PRDM16: variants seen among roughly 807,000 people sequenced by gnomAD.
The protein encoded by PRDM16 is histone-lysine N-methyltransferase PRDM16.
A neutral mutation model predicts 110.6 loss-of-function variants in PRDM16; 23 were observed. That is an observed-to-expected ratio of 0.21 (90% CI 0.15 to 0.29). The LOEUF (loss-of-function observed/expected upper bound fraction) is 0.29. PRDM16 is among the 10% of genes least tolerant of loss of function. The pLI, the probability that PRDM16 is intolerant of heterozygous loss-of-function variation, is 1.00. For missense variants in PRDM16, 1,615 were observed against 1,794.3 expected, an observed-to-expected ratio of 0.90 and a Z score of 1.81; for synonymous variants, 799 against 781.8, an observed-to-expected ratio of 1.02 and a Z score of -0.37.
chr1:3,237,682 G>A (rs1315145962), intron 2 of PRDM16, among the ~76,000 whole-genome samples: 3 of 152,348 alleles, frequency 2.0e-5, no homozygotes, highest in Non-Finnish European at 2.9e-5. Flanking sequence ...AGGGAGATGC[G>A]CGCGGGGCCA....
chr1:3,277,390 G>T (rs533220500), intron 3 of PRDM16, among the ~76,000 whole-genome samples: 1 of 152,240 alleles, frequency 6.6e-6, no homozygotes, highest in Non-Finnish European at 1.5e-5. Context: ...CGGGAAGGCT[G>T]CAGGGAACCC....
At chr1:3,186,666 G>C (rs1447394719) in intron 2 of PRDM16, 192 bp downstream of exon 2, 3 of 530,634 alleles carry the variant, frequency 5.7e-6, no homozygotes, top group Non-Finnish European at 9.9e-6. Context: ...AGAGGTCCTC[G>C]TGGGTGCCTG....
At chr1:3,251,325 G>GGGGTGAGGA (rs1639926587) in intron 3 of PRDM16, among the ~76,000 whole-genome samples, 1 of 50,880 alleles carries the variant, frequency 2.0e-5, no homozygotes, top group African/African-American at 7.4e-5. Context: ...TGGGGTGAGG[G>GGGGTGAGGA]CGCAGCCGTG....
At chr1:3,288,762 C>T (rs1640910890) in intron 3 of PRDM16, among the ~76,000 whole-genome samples, 1 of 152,178 alleles carries the variant, frequency 6.6e-6, no homozygotes, top group Non-Finnish European at 1.5e-5. Flanking sequence ...GGCAGAGGGG[C>T]AGCCAGCCCT....
intron 1 of PRDM16, among the ~76,000 whole-genome samples, chr1:3,184,044 G>A (rs991727216): frequency 3.9e-5 from 6 of 152,154 alleles, no homozygotes; most frequent in Non-Finnish European, 8.8e-5. Context: ...CGGGGCGGGG[G>A]TTATGGGGGT....
chr1:3,203,915 G>T (rs1181264538), intron 2 of PRDM16, among the ~76,000 whole-genome samples: 7 of 152,192 alleles, frequency 4.6e-5, no homozygotes, highest in Admixed American at 6.5e-5. Flanking sequence ...TATAGCAGGT[G>T]ACAGAAGGCG....
intron 1 of PRDM16, among the ~76,000 whole-genome samples, chr1:3,070,923 C>T (rs1204164062): frequency 2.0e-5 from 3 of 152,244 alleles, no homozygotes; most frequent in Non-Finnish European, 4.4e-5. Flanking sequence ...CTCGGCCTCC[C>T]GTGACCTCTG....
intron 3 of PRDM16, among the ~76,000 whole-genome samples, chr1:3,383,236 G>A (rs1643135613): frequency 1.3e-5 from 2 of 152,206 alleles, no homozygotes; most frequent in Non-Finnish European, 2.9e-5. Context: ...CCTGGATGGA[G>A]CCAGAAGGGG....
At chr1:3,120,657 G>A (rs571914779) in intron 1 of PRDM16, among the ~76,000 whole-genome samples, 17 of 152,196 alleles carry the variant, frequency 1.1e-4, no homozygotes, top group Admixed American at 2.0e-4. Context: ...CTGCCCTTGC[G>A]TCTCTGCGCT....
intron 15 of PRDM16, 53 bp from the exon 16 acceptor site, chr1:3,431,913 C>T: frequency 1.3e-6 from 2 of 1,577,392 alleles, no homozygotes. Context: ...AGAGAGGCGG[C>T]CAAGGCCAGG....
intron 1 of PRDM16, among the ~76,000 whole-genome samples, chr1:3,158,295 C>T (rs908286350): frequency 1.3e-5 from 2 of 152,170 alleles, no homozygotes; most frequent in Non-Finnish European, 2.9e-5. Context: ...GGGTTGCTTT[C>T]CCAAAAGGGA....
chr1:3,151,181 G>A (rs1182279554), intron 1 of PRDM16, among the ~76,000 whole-genome samples: 1 of 152,200 alleles, frequency 6.6e-6, no homozygotes, highest in African/African-American at 2.4e-5. Flanking sequence ...TTGAGTCAGT[G>A]TCTGTCCCCT....
In PRDM16 at chr1:3,144,295, G is replaced by A. The variant is rs116053692; in HGVS notation, c.38-41830G>A. ...CTGGGTCCCTGGGAGGGAGAGAGGC[G>A]CCGGCCATCCCTCGGGTTGGATGCA... On this transcript the variant is annotated intron_variant, in intron 1 of 16. Coordinates refer to ENST00000270722, the MANE Select transcript of PRDM16 (RefSeq NM_022114.4). Among the ~76,000 whole-genome samples the A allele has an allele frequency of 5.9e-3, 898 of 152,276 alleles. 7 individuals carry two copies. Among genetic ancestry groups the A allele is most frequent in the African/African-American group, 0.02 (826 of 41,556 alleles).
chr1:3,291,732 C>A (rs563581682), intron 3 of PRDM16, among the ~76,000 whole-genome samples: 2 of 152,380 alleles, frequency 1.3e-5, no homozygotes, highest in Admixed American at 1.3e-4. Flanking sequence ...AAATGCAAGT[C>A]CCCTGAACCC....
At chr1:3,428,466 A>C (rs890144255) in intron 14 of PRDM16, among the ~76,000 whole-genome samples, 1 of 152,180 alleles carries the variant, frequency 6.6e-6, no homozygotes, top group Non-Finnish European at 1.5e-5. Flanking sequence ...ACCTCAGAAC[A>C]TACGGGCACA....
At chr1:3,135,205 C>A (rs535082971) in intron 1 of PRDM16, among the ~76,000 whole-genome samples, 22 of 152,298 alleles carry the variant, frequency 1.4e-4, no homozygotes, top group African/African-American at 5.1e-4. Flanking sequence ...TCAGCCCAGT[C>A]GGCCCCAGGC....
At position 3,080,591 on chromosome 1, in the gene PRDM16, C is replaced by T. The variant is rs1641999801; in HGVS notation, c.37+11295C>T. Reference sequence around the variant, plus strand: ...TGCTGGGTGGTGTCCTCTGAAACCCCAAATTTTGTTTCATCAACTCGGCTG... The same window carrying T: ...TGCTGGGTGGTGTCCTCTGAAACCCTAAATTTTGTTTCATCAACTCGGCTG... On this transcript the variant is annotated intron_variant, in intron 1 of 16. Transcript: ENST00000270722. This position sits in a 1 kb window ranked among gnomAD's most constrained non-coding sequence, Gnocchi z 5.2. Among the ~76,000 whole-genome samples, 1 of 152,094 alleles carries T rather than the reference C, an allele frequency of 6.6e-6. No individual in the cohort carries two copies.
intron 5 of PRDM16, among the ~76,000 whole-genome samples, chr1:3,401,256 CT>C (rs1223890767): frequency 1.3e-5 from 2 of 152,212 alleles, no homozygotes; most frequent in Non-Finnish European, 2.9e-5. Context: ...CCGTGGTGGT[CT>C]CTCTGACACA....
intron 3 of PRDM16, among the ~76,000 whole-genome samples, chr1:3,278,002 C>T (rs188065254): frequency 1.1e-4 from 16 of 152,362 alleles, no homozygotes; most frequent in East Asian, 1.9e-4. Flanking sequence ...CCATGGGACC[C>T]TCTCATCTGA....
Sources: gnomAD v4.1 joint callset for allele counts (sites outside exome capture counted in the v4.1 genomes callset) on GRCh38, gnomAD v4.1.1 for gene constraint, Gnocchi (gnomAD v3.1) non-coding constraint, MANE v1.5 for transcripts, NCBI Gene and HGNC (gene_info 2026-07-23, HGNC 2026-07-21) for gene names.